The following RGS7 variants were observed in gnomAD, a reference collection of about 807,000 sequenced individuals.
The protein encoded by RGS7 is regulator of G-protein signaling 7.
RGS7 carries 27 observed loss-of-function variants against 81.1 expected under a neutral mutation model. The observed-to-expected ratio is 0.33, with a 90% CI of 0.25 to 0.46. The LOEUF is 0.46. Among genes scored for constraint, RGS7 ranks in the 20% least tolerant of loss-of-function variants. The pLI is 1.00. For synonymous variants in RGS7, 208 were observed against 207.7 expected (o/e 1.00, Z -0.01); for missense variants, 396 against 607.4 (o/e 0.65, Z 3.66).
chr1:241,300,473 C>G (rs111317524), intron 2 of RGS7, among the ~76,000 whole-genome samples: 148 of 152,326 alleles, frequency 9.7e-4, no homozygotes, highest in African/African-American at 3.4e-3. Flanking sequence ...TCACCATCTC[C>G]ATAGTTTTGC....
At chr1:241,053,442 T>C (rs1028349283) in intron 3 of RGS7, among the ~76,000 whole-genome samples, 2 of 152,186 alleles carry the variant, frequency 1.3e-5, no homozygotes, top group African/African-American at 2.4e-5. Context: ...GGGAAAGTCA[T>C]AAAGCTAATT....
chr1:241,207,505 G>A (rs898515492), intron 2 of RGS7, among the ~76,000 whole-genome samples: 1 of 151,900 alleles, frequency 6.6e-6, no homozygotes, highest in Non-Finnish European at 1.5e-5. Context: ...CAAGACTACT[G>A]TCTTCATGCA....
At chr1:240,837,585 C>A (rs1294927673) in intron 9 of RGS7, among the ~76,000 whole-genome samples, 1 of 152,142 alleles carries the variant, frequency 6.6e-6, no homozygotes, top group Non-Finnish European at 1.5e-5. Context: ...AATGGGTCAT[C>A]AAACACCTTA....
chr1:240,823,358 A>C, intron 10 of RGS7: 1 of 494,260 alleles, frequency 2.0e-6, no homozygotes, highest in Non-Finnish European at 3.8e-6. Context: ...TTAGCTGCGG[A>C]GATGCCCAGC....
chr1:241,183,881 C>T (rs1354911233), intron 2 of RGS7, among the ~76,000 whole-genome samples: 1 of 152,166 alleles, frequency 6.6e-6, no homozygotes, highest in African/African-American at 2.4e-5. Flanking sequence ...CCTGGCATCT[C>T]TTAGGCATTC....
chr1:240,812,094 T>C (rs1204041863), intron 13 of RGS7, 51 bp from the exon 14 acceptor site: 2 of 1,605,302 alleles, frequency 1.2e-6, no homozygotes, highest in African/African-American at 1.3e-5. Context: ...AGAATTCCCA[T>C]TTTTTTGTTA....
rs922813724 is a variant in RGS7, at chr1:241,164,416, G to C, written c.79-65654C>G. ...GTCCCAGCCCTCCAATCATGCATTG[G>C]TCTTTTCAGCGTCCGGTCCCCATCC... On this transcript the variant is annotated intron_variant, in intron 2 of 18. Transcript: ENST00000440928. This position sits in a 1 kb window ranked among gnomAD's most constrained non-coding sequence, Gnocchi z 4.1. Among the ~76,000 whole-genome samples the C allele has an allele frequency of 1.3e-5, 2 of 151,962 alleles. No individual in the cohort carries two copies. Among genetic ancestry groups the C allele is most frequent in the Admixed American group, 6.6e-5 (1 of 15,252 alleles).
chr1:241,141,007 C>T (rs1159232298), intron 2 of RGS7, among the ~76,000 whole-genome samples: 1 of 152,158 alleles, frequency 6.6e-6, no homozygotes. Flanking sequence ...ATTCCCACCA[C>T]CTTCACCCCA....
intron 2 of RGS7, among the ~76,000 whole-genome samples, chr1:241,198,015 T>C (rs916497098): frequency 6.6e-6 from 1 of 151,966 alleles, no homozygotes; most frequent in Non-Finnish European, 1.5e-5. Context: ...ATGTGAAGTA[T>C]ATTTTCCAAC....
At chr1:240,922,440 C>T (rs1358572327) in intron 6 of RGS7, among the ~76,000 whole-genome samples, 1 of 151,964 alleles carries the variant, frequency 6.6e-6, no homozygotes, top group Non-Finnish European at 1.5e-5. Flanking sequence ...AGACAAACTA[C>T]AGACTGGGGG....
intron 3 of RGS7, among the ~76,000 whole-genome samples, chr1:241,082,770 C>T (rs12089577): frequency 0.054 from 8,193 of 152,130 alleles, 275 homozygotes; most frequent in East Asian, 0.15. Flanking sequence ...GATGGATATC[C>T]CAATTACCCT....
At chr1:241,149,825 G>A (rs1181911186) in intron 2 of RGS7, among the ~76,000 whole-genome samples, 1 of 152,110 alleles carries the variant, frequency 6.6e-6, no homozygotes, top group Non-Finnish European at 1.5e-5. Flanking sequence ...GCCCAGGCTG[G>A]AGTGTAGTGG....
chr1:241,207,348 C>CATATATATATATAT lies in RGS7; in HGVS notation c.79-108587_79-108586insATATATATATATAT, dbSNP rs540737449. 7.0e-3 allele frequency among the ~76,000 whole-genome samples: 1,003 copies of CATATATATATATAT among 143,690 alleles called. 4 individuals carry two copies. The highest frequency in any genetic ancestry group is 0.01 in the Non-Finnish European group (674 of 65,150). The allele number at this position is 143,690 out of a possible 152,430, so 94.3% of individuals were successfully genotyped here. ...GGTATGGAGTATGCACTTTAAAATG[C>CATATATATATATAT]ATATATATATATGCGTAAATATACA... is the stretch of plus-strand genomic sequence containing the variant. On this transcript the variant is annotated intron_variant, in intron 2 of 18. Transcript: ENST00000440928.
intron 2 of RGS7, among the ~76,000 whole-genome samples, chr1:241,191,041 G>T (rs543281513): frequency 6.6e-6 from 1 of 151,994 alleles, no homozygotes; most frequent in Non-Finnish European, 1.5e-5. Flanking sequence ...GAGTGCAGTG[G>T]TGCGATCTTG....
At chr1:241,103,962 C>T (rs1240756465) in intron 2 of RGS7, among the ~76,000 whole-genome samples, 5 of 152,236 alleles carry the variant, frequency 3.3e-5, no homozygotes, top group African/African-American at 4.8e-5. Context: ...CAATGCAAGA[C>T]GTAGTTATTA....
At chr1:241,063,828 T>C (rs1214286321) in intron 3 of RGS7, among the ~76,000 whole-genome samples, 1 of 152,042 alleles carries the variant, frequency 6.6e-6, no homozygotes, top group Non-Finnish European at 1.5e-5. Flanking sequence ...CCAAGTAAAA[T>C]TTACCTGTAT....
intron 3 of RGS7, among the ~76,000 whole-genome samples, chr1:241,028,101 G>A (rs188398048): frequency 8.5e-5 from 13 of 152,276 alleles, no homozygotes; most frequent in Non-Finnish European, 1.6e-4. Context: ...AATGAAGATC[G>A]GGACAGCAGA....
At chr1:241,046,361 T>C (rs892485377) in intron 3 of RGS7, among the ~76,000 whole-genome samples, 1 of 151,158 alleles carries the variant, frequency 6.6e-6, no homozygotes, top group Non-Finnish European at 1.5e-5. Flanking sequence ...TATGTCCATG[T>C]GTACTTAATG....
chr1:240,974,369 C>A (rs1683744593), intron 4 of RGS7, among the ~76,000 whole-genome samples: 2 of 152,254 alleles, frequency 1.3e-5, no homozygotes, highest in East Asian at 3.9e-4. Flanking sequence ...TTTAAAATTT[C>A]TTTCTGTTCA....
Sources: allele counts gnomAD v4.1 joint callset (sites outside exome capture counted in the v4.1 genomes callset), GRCh38; gene constraint gnomAD v4.1.1; non-coding constraint Gnocchi (gnomAD v3.1); transcripts MANE v1.5; gene names NCBI Gene and HGNC (gene_info 2026-07-23, HGNC 2026-07-21).